The following PDE10A variants were observed in gnomAD, a reference collection of about 807,000 sequenced individuals.
PDE10A encodes the protein phosphodiesterase 10A.
Under a neutral mutation model 97.7 loss-of-function variants are expected in PDE10A, and 39 were observed. The observed-to-expected ratio is 0.40, with a 90% CI of 0.31 to 0.52. The LOEUF (loss-of-function observed/expected upper bound fraction) is 0.52. Among genes scored for constraint, PDE10A ranks in the 20% least tolerant of loss-of-function variants. The probability of loss-of-function intolerance (pLI) is 0.56; values close to 1 mark genes in which losing one functional copy is unlikely to be tolerated. For missense variants in PDE10A, 731 were observed against 1,047.8 expected, an observed-to-expected ratio of 0.70 and a Z score of 4.17; for synonymous variants, 371 against 376.8, an observed-to-expected ratio of 0.98 and a Z score of 0.18.
At chr6:165,606,495 C>A (rs778592039) in intron 1 of PDE10A, among the ~76,000 whole-genome samples, 1 of 152,116 alleles carries the variant, frequency 6.6e-6, no homozygotes, top group African/African-American at 2.4e-5. Context: ...GGAAAGTGAG[C>A]GTCGCCTATT....
chr6:165,382,281 G>A (rs1251923598), intron 17 of PDE10A, among the ~76,000 whole-genome samples: 2 of 152,146 alleles, frequency 1.3e-5, no homozygotes, highest in Non-Finnish European at 2.9e-5. Flanking sequence ...TTAATCATAA[G>A]GATCCTAAAG....
At chr6:165,921,772 G>T (rs1782758687) in intron 1 of PDE10A, among the ~76,000 whole-genome samples, 1 of 152,216 alleles carries the variant, frequency 6.6e-6, no homozygotes, top group Non-Finnish European at 1.5e-5. Flanking sequence ...ATTTTAGAAA[G>T]TGGGTGCAGA....
chr6:165,898,687 C>T (rs963799218), intron 1 of PDE10A, among the ~76,000 whole-genome samples: 3 of 152,110 alleles, frequency 2.0e-5, no homozygotes, highest in Non-Finnish European at 2.9e-5. Context: ...AACCTCCCCA[C>T]CCCTAAACAC....
intron 1 of PDE10A, among the ~76,000 whole-genome samples, chr6:165,653,797 T>C (rs1789803086): frequency 6.6e-6 from 1 of 151,646 alleles, no homozygotes; most frequent in Non-Finnish European, 1.5e-5. Flanking sequence ...CTCTGGCACC[T>C]CCCCACGCCT....
At position 165,543,453 on chromosome 6, in the gene PDE10A, G is replaced by T; in HGVS notation, c.981C>A (p.Asn327Lys). ...AAGAGACCTTACCTTCTGATTTGTT[G>T]TTCTTCCTCTTCAGCCATTTCTCTA... Reference protein sequence around the residue: ...ETVEKWLKRKNNKSEDESAPK... With the variant: ...ETVEKWLKRKKNKSEDESAPK... Residue 327 changes from asparagine to lysine, a missense_variant, in exon 2 of 22, where the codon AAC becomes AAA. By Grantham distance (94) the Asn-to-Lys change is moderately conservative. This residue lies in a region of PDE10A where 181 missense variants were observed against 159.1 expected (regional missense o/e 1.14). Coordinates refer to ENST00000539869, the MANE Select transcript of PDE10A (RefSeq NM_001385079.1). The T allele has an allele frequency of 6.2e-7, 1 of 1,612,438 alleles. No homozygotes were observed. The highest frequency in any genetic ancestry group is 8.5e-7 in the Non-Finnish European group (1 of 1,179,416).
At chr6:165,798,821 C>T (rs991525223) in intron 1 of PDE10A, among the ~76,000 whole-genome samples, 2 of 152,114 alleles carry the variant, frequency 1.3e-5, no homozygotes, top group Non-Finnish European at 2.9e-5. Flanking sequence ...GATTCTCGTG[C>T]CTCAGCTTCC....
intron 1 of PDE10A, among the ~76,000 whole-genome samples, chr6:165,849,065 C>T (rs1284336190): frequency 1.3e-5 from 2 of 152,232 alleles, no homozygotes; most frequent in Non-Finnish European, 2.9e-5. Flanking sequence ...TCGACCAATG[C>T]ACACATCATG....
At chr6:165,340,257 G>C (rs952612979) in intron 19 of PDE10A, among the ~76,000 whole-genome samples, 12 of 152,172 alleles carry the variant, frequency 7.9e-5, no homozygotes, top group Non-Finnish European at 1.6e-4. Context: ...AGATTTCCTA[G>C]TATTTTTCCT....
chr6:165,593,352 C>T (rs921428057), intron 1 of PDE10A, among the ~76,000 whole-genome samples: 10 of 151,920 alleles, frequency 6.6e-5, no homozygotes, highest in African/African-American at 2.4e-4. Context: ...TGTAGATGAC[C>T]GGTTGATGGG....
intron 1 of PDE10A, among the ~76,000 whole-genome samples, chr6:165,686,130 GACACACACACACACACACACACAC>G (rs57547290): frequency 6.9e-6 from 1 of 145,316 alleles, no homozygotes; most frequent in East Asian, 2.1e-4. Flanking sequence ...AATGTGCATG[GACACACACACACACACACACACAC>G]ACACACACAC....
chr6:165,937,956 TA>T (rs897125634), intron 1 of PDE10A, among the ~76,000 whole-genome samples: 16 of 151,758 alleles, frequency 1.1e-4, no homozygotes, highest in South Asian at 2.1e-4. Context: ...CAATAAATGT[TA>T]AAAAAAAATC....
chr6:165,888,876 G>A (rs1002179261), intron 1 of PDE10A, among the ~76,000 whole-genome samples: 9 of 152,192 alleles, frequency 5.9e-5, no homozygotes, highest in Non-Finnish European at 1.3e-4. Context: ...AAAATATAAT[G>A]AACCTTGGCC....
At chr6:165,922,229 T>C (rs745739871) in intron 1 of PDE10A, among the ~76,000 whole-genome samples, 3 of 152,088 alleles carry the variant, frequency 2.0e-5, no homozygotes, top group Admixed American at 6.5e-5. Flanking sequence ...TCCAATATCA[T>C]TGAGTGAGTT....
intron 1 of PDE10A, among the ~76,000 whole-genome samples, chr6:165,970,204 G>C (rs1348218911): frequency 6.6e-6 from 1 of 152,128 alleles, no homozygotes; most frequent in Admixed American, 6.5e-5. Flanking sequence ...GAAAGACTGA[G>C]AGGTTGCTCC....
intron 1 of PDE10A, among the ~76,000 whole-genome samples, chr6:165,821,450 A>T (rs1329863822): frequency 6.6e-6 from 1 of 152,216 alleles, no homozygotes; most frequent in Non-Finnish European, 1.5e-5. Context: ...AGAATATAAG[A>T]GATGTCATTT....
chr6:165,979,061 C>T (rs560883661), intron 1 of PDE10A, among the ~76,000 whole-genome samples: 1 of 152,304 alleles, frequency 6.6e-6, no homozygotes, highest in South Asian at 2.1e-4. Context: ...ACTCTGATGA[C>T]ACACGCACCA....
At chr6:165,637,465 C>T (rs1305139085) in intron 1 of PDE10A, among the ~76,000 whole-genome samples, 7 of 152,040 alleles carry the variant, frequency 4.6e-5, no homozygotes, top group African/African-American at 7.2e-5. Flanking sequence ...TTATGGCGGA[C>T]GGGTAACACA....
chr6:165,419,757 G>C (rs1788564891), intron 10 of PDE10A, among the ~76,000 whole-genome samples: 1 of 152,112 alleles, frequency 6.6e-6, no homozygotes, highest in African/African-American at 2.4e-5. Context: ...CCAGATCATA[G>C]CCATGAAATT....
At chr6:165,411,743 C>T (rs1423696264) in intron 13 of PDE10A, among the ~76,000 whole-genome samples, 2 of 152,152 alleles carry the variant, frequency 1.3e-5, no homozygotes, top group African/African-American at 4.8e-5. Flanking sequence ...CTGAAACATA[C>T]TCTCATATAG....
Sources: allele counts gnomAD v4.1 joint callset (sites outside exome capture counted in the v4.1 genomes callset), GRCh38; gene constraint gnomAD v4.1.1; regional missense constraint gnomAD v4.1.1; transcripts MANE v1.5; gene names NCBI Gene and HGNC (gene_info 2026-07-23, HGNC 2026-07-21).